The following LINGO2 variants were observed in gnomAD, a reference collection of about 807,000 sequenced individuals.
LINGO2 encodes the protein leucine-rich repeat and immunoglobulin-like domain-containing nogo receptor-interacting protein 2.
LINGO2 carries 14 observed loss-of-function variants against 30.6 expected under a neutral mutation model. The ratio of observed to expected loss-of-function variants is 0.46; its 90% CI spans 0.30 to 0.72. The LOEUF (loss-of-function observed/expected upper bound fraction) is 0.72. Ranked by LOEUF, LINGO2 falls within the 30% of genes least tolerant of loss-of-function variation. LINGO2 has a pLI of 0.07. For synonymous variants in LINGO2, 317 were observed against 288.5 expected (o/e 1.10, Z -1.00); for missense variants, 729 against 751.7 (o/e 0.97, Z 0.35).
Position 28,586,528 on chromosome 9 carries a change from T to C in LINGO2, c.-365+83672A>G, listed in dbSNP as rs889484956. On this transcript the variant is annotated intron_variant, in intron 1 of 5. Coordinates refer to ENST00000379992, the Ensembl canonical transcript of LINGO2. Reference sequence around the variant, plus strand: ...TGTTTAGAAATTGCATTATCATGAATGTATAAGTATAGTTTACTGTTATGC... The same window carrying C: ...TGTTTAGAAATTGCATTATCATGAACGTATAAGTATAGTTTACTGTTATGC... Among the ~76,000 whole-genome samples, 2 of 152,088 alleles carry C rather than the reference T, an allele frequency of 1.3e-5. 1 individual carries two copies. The highest frequency in any genetic ancestry group is 2.9e-5 in the Non-Finnish European group (2 of 67,998).
chr9:28,587,764 T>C (rs1824636584), intron 1 of LINGO2, among the ~76,000 whole-genome samples: 1 of 152,040 alleles, frequency 6.6e-6, no homozygotes, highest in South Asian at 2.1e-4. Context: ...ACCTGGCCAC[T>C]GCAGTAGGTA....
intron 4 of LINGO2, among the ~76,000 whole-genome samples, chr9:28,289,090 G>C (rs967591728): frequency 2.6e-5 from 4 of 151,982 alleles, no homozygotes; most frequent in Non-Finnish European, 4.4e-5. Flanking sequence ...AATTTTTATA[G>C]TTTTGTTATA....
chr9:28,406,845 T>C (rs1381870778), intron 2 of LINGO2, among the ~76,000 whole-genome samples: 1 of 152,150 alleles, frequency 6.6e-6, no homozygotes, highest in Admixed American at 6.6e-5. Flanking sequence ...CCCACCAACA[T>C]TGGTCCAGGT....
At chr9:28,874,693 C>T in the LINGO2 span, among the ~76,000 whole-genome samples, 1 of 152,024 alleles carries the variant, frequency 6.6e-6, no homozygotes, top group Non-Finnish European at 1.5e-5. Context: ...AAAACACCTT[C>T]CAGCTCTGAA....
chr9:28,119,830 TA>T (rs1340165022), intron 4 of LINGO2, among the ~76,000 whole-genome samples: 1 of 152,124 alleles, frequency 6.6e-6, no homozygotes, highest in Non-Finnish European at 1.5e-5. Context: ...GAACTATAGG[TA>T]AATGCACTAT....
At chr9:28,183,422 AT>A (rs34031442) in intron 4 of LINGO2, among the ~76,000 whole-genome samples, 13,708 of 151,720 alleles carry the variant, frequency 0.09, 828 homozygotes, top group Middle Eastern at 0.15. Flanking sequence ...CCAGAAATTA[AT>A]TTTTTTTTAA....
chr9:28,114,080 T>C (rs1449330901), intron 4 of LINGO2, among the ~76,000 whole-genome samples: 4 of 45,538 alleles, frequency 8.8e-5, no homozygotes, highest in Non-Finnish European at 2.1e-4. Context: ...TTTTGAAATA[T>C]GTCCCATCAA....
At chr9:29,123,730 C>G in the LINGO2 span, among the ~76,000 whole-genome samples, 1 of 151,962 alleles carries the variant, frequency 6.6e-6, no homozygotes, top group Admixed American at 6.6e-5. Context: ...GCAGTTAACT[C>G]AAATACACTA....
At chr9:28,675,281 T>A (rs1050000446), upstream of LINGO2, among the ~76,000 whole-genome samples, 1 of 152,142 alleles carries the variant, frequency 6.6e-6, no homozygotes, top group African/African-American at 2.4e-5. Flanking sequence ...GCTTTGGACA[T>A]GGAAGTAGTG....
chr9:28,135,145 C>G (rs1563994622), intron 4 of LINGO2, among the ~76,000 whole-genome samples: 1 of 152,044 alleles, frequency 6.6e-6, no homozygotes, highest in Admixed American at 6.6e-5. Flanking sequence ...AAAAAACAAT[C>G]TCAAGAAAAA....
chr9:28,552,237 T>C lies in LINGO2; in HGVS notation c.-364-76212A>G, dbSNP rs188667509. ...CCTACAGCTGTCACCTTGTGATGGGTGATTCCCTCTACCTTTCTTCTAGAT... is the reference window on the plus strand; with the variant it reads ...CCTACAGCTGTCACCTTGTGATGGGCGATTCCCTCTACCTTTCTTCTAGAT... On this transcript the variant is annotated intron_variant, in intron 1 of 5. Transcript: ENST00000379992. Among the ~76,000 whole-genome samples the C allele has an allele frequency of 2.4e-3, 371 of 152,148 alleles. 1 individual carries two copies. Among genetic ancestry groups the C allele is most frequent in the African/African-American group, 7.9e-3 (330 of 41,564 alleles).
At chr9:28,872,691 C>A in the LINGO2 span, among the ~76,000 whole-genome samples, 1 of 152,174 alleles carries the variant, frequency 6.6e-6, no homozygotes. Flanking sequence ...TAAATAGGTA[C>A]TTTGTTCATC....
chr9:29,190,258 G>T, the LINGO2 span, among the ~76,000 whole-genome samples: 1 of 152,162 alleles, frequency 6.6e-6, no homozygotes, highest in East Asian at 1.9e-4. Flanking sequence ...AGATGGCCAA[G>T]ATAACTACAA....
At chr9:28,640,839 C>G (rs1827540023) in intron 1 of LINGO2, among the ~76,000 whole-genome samples, 1 of 152,278 alleles carries the variant, frequency 6.6e-6, no homozygotes, top group Admixed American at 6.5e-5. Context: ...CAAAGTCATT[C>G]TCCATCCAGC....
the LINGO2 span, among the ~76,000 whole-genome samples, chr9:29,148,180 C>T: frequency 9.2e-5 from 14 of 152,100 alleles, no homozygotes; most frequent in Middle Eastern, 3.4e-3. Context: ...TTTTAAATTT[C>T]GTATTACTTT....
chr9:29,153,087 T>C, the LINGO2 span, among the ~76,000 whole-genome samples: 3 of 152,110 alleles, frequency 2.0e-5, no homozygotes, highest in Admixed American at 6.6e-5. Flanking sequence ...AAGAAATTAA[T>C]GAATAGATTA....
intron 4 of LINGO2, among the ~76,000 whole-genome samples, chr9:28,068,016 C>T (rs1310642195): frequency 6.6e-6 from 1 of 152,088 alleles, no homozygotes. Flanking sequence ...AAAGTTGTGG[C>T]ATAGTGCTTT....
exon 6 of LINGO2, chr9:27,949,703 T>C: frequency 6.2e-7 from 1 of 1,614,048 alleles, no homozygotes; most frequent in Non-Finnish European, 8.5e-7. Flanking sequence ...TGAGCACGCG[T>C]AGGAAGCGGA....
At chr9:28,352,307 A>G (rs1197474153) in intron 3 of LINGO2, among the ~76,000 whole-genome samples, 2 of 143,742 alleles carry the variant, frequency 1.4e-5, no homozygotes, top group Non-Finnish European at 3.1e-5. Context: ...GCAAAGTCTC[A>G]GGATACAAAA....
Sources: gnomAD v4.1 joint callset for allele counts (sites outside exome capture counted in the v4.1 genomes callset) on GRCh38, gnomAD v4.1.1 for gene constraint, MANE v1.5 for transcripts, NCBI Gene and HGNC (gene_info 2026-07-23, HGNC 2026-07-21) for gene names.